Variants in SLC2A5 observed in about 807,000 individuals in gnomAD.
SLC2A5 encodes solute carrier family 2, facilitated glucose transporter member 5.
In SLC2A5, 56 loss-of-function variants were observed where a neutral mutation model predicts 50.3. The observed-to-expected ratio is 1.11, with a 90% CI of 0.90 to 1.39. The LOEUF is 1.39. Ranked by LOEUF, SLC2A5 falls within the 40% of genes most tolerant of loss-of-function variation. The pLI is 0.00. For synonymous variants in SLC2A5, 269 were observed against 281.9 expected, an observed-to-expected ratio of 0.95 and a Z score of 0.46; for missense variants, 566 against 650.1, an observed-to-expected ratio of 0.87 and a Z score of 1.41.
chr1:9,084,378 A>G (rs1642384167), intron 2 of SLC2A5, among the ~76,000 whole-genome samples: 1 of 152,110 alleles, frequency 6.6e-6, no homozygotes, highest in African/African-American at 2.4e-5. Flanking sequence ...TCCTTTCTTG[A>G]GTGTGTACCT....
intron 4 of SLC2A5, among the ~76,000 whole-genome samples, chr1:9,043,704 G>A (rs1036403242): frequency 1.1e-4 from 16 of 150,226 alleles, no homozygotes; most frequent in African/African-American, 3.4e-4. Context: ...GTTCTGATAC[G>A]AGAATCAGAG....
At chr1:9,075,717 A>ATC in intron 2 of SLC2A5, among the ~76,000 whole-genome samples, 1 of 151,872 alleles carries the variant, frequency 6.6e-6, no homozygotes, top group East Asian at 1.9e-4. Context: ...CTGGAGTGCA[A>ATC]TGGCATGATC....
At chr1:9,063,942 G>C in intron 1 of SLC2A5, among the ~76,000 whole-genome samples, 1 of 130,762 alleles carries the variant, frequency 7.6e-6, no homozygotes, top group East Asian at 2.1e-4. Context: ...TGATCCGCCC[G>C]CCTCGGCCTC....
chr1:9,058,769 AAG>A (rs1240791030), intron 1 of SLC2A5, among the ~76,000 whole-genome samples: 2 of 152,244 alleles, frequency 1.3e-5, no homozygotes, highest in Non-Finnish European at 2.9e-5. Flanking sequence ...CAAAGAGAAA[AAG>A]AGAAAATTTT....
At chr1:9,053,760 G>C (rs1488452150) in intron 3 of SLC2A5, among the ~76,000 whole-genome samples, 1 of 149,762 alleles carries the variant, frequency 6.7e-6, no homozygotes, top group East Asian at 2.0e-4. Context: ...TGTAATCTCA[G>C]CTATTTGGGA....
intron 2 of SLC2A5, among the ~76,000 whole-genome samples, chr1:9,083,161 G>A (rs75856734): frequency 0.035 from 5,299 of 152,298 alleles, 317 homozygotes; most frequent in East Asian, 0.24. Context: ...CTACTTTGCT[G>A]GGACATCATT....
intron 2 of SLC2A5, among the ~76,000 whole-genome samples, chr1:9,080,152 T>C (rs904422122): frequency 1.3e-5 from 2 of 152,236 alleles, no homozygotes; most frequent in African/African-American, 4.8e-5. Flanking sequence ...CCTTGCTCTC[T>C]GAGGCTGGAT....
upstream of SLC2A5, among the ~76,000 whole-genome samples, chr1:9,074,443 A>G (rs1316816448): frequency 6.6e-6 from 1 of 152,166 alleles, no homozygotes; most frequent in Admixed American, 6.5e-5. Context: ...GAGAAAAGGT[A>G]CAAGTAGAGG....
At chr1:9,056,041 G>A (rs1287827642) in intron 3 of SLC2A5, among the ~76,000 whole-genome samples, 1 of 152,188 alleles carries the variant, frequency 6.6e-6, no homozygotes, top group Non-Finnish European at 1.5e-5. Context: ...TGGGCCAAGC[G>A]GCGTGCTCTT....
chr1:9,058,988 T>G (rs1182799420), intron 1 of SLC2A5, among the ~76,000 whole-genome samples: 1 of 151,912 alleles, frequency 6.6e-6, no homozygotes. Context: ...ACAATCACAC[T>G]CCCTACCAGA....
chr1:9,050,640 C>T (rs1224939128), intron 3 of SLC2A5, among the ~76,000 whole-genome samples: 1 of 151,938 alleles, frequency 6.6e-6, no homozygotes, highest in Non-Finnish European at 1.5e-5. Flanking sequence ...AAAAAAAAAT[C>T]TAGACAGTCT....
chr1:9,088,132 C>T (rs892816694), intron 1 of SLC2A5, among the ~76,000 whole-genome samples: 1 of 152,122 alleles, frequency 6.6e-6, no homozygotes, highest in African/African-American at 2.4e-5. Context: ...TCCCGACCCT[C>T]CCTATGCCAA....
rs1458823933 is a variant in SLC2A5, at chr1:9,047,651, T to G, written c.377A>C (p.Glu126Ala). ...MGCSRVATSF[E>A]LIIISRLLVG... ...CAAAAGTCTGGAAATAATGATAAGCTCAAATGATGTGGCGACTCTGCTGCA... is the reference window on the plus strand; with the variant it reads ...CAAAAGTCTGGAAATAATGATAAGCGCAAATGATGTGGCGACTCTGCTGCA... The change falls in exon 4 of 12, where the codon GAG becomes GCG. Residue 126 changes from glutamate (E) to alanine (A), a missense_variant. Transcript: ENST00000377424. The G allele has an allele frequency of 6.2e-7, 1 of 1,614,018 alleles. No individual in the cohort carries two copies. The highest frequency in any genetic ancestry group is 1.1e-5 in the South Asian group (1 of 91,072).
intron 2 of SLC2A5, among the ~76,000 whole-genome samples, chr1:9,082,180 A>G (rs755179517): frequency 2.0e-5 from 3 of 152,206 alleles, no homozygotes; most frequent in Admixed American, 6.5e-5. Flanking sequence ...CTACTGAGGA[A>G]AAAACAGTTT....
At chr1:9,070,468 C>T (rs17033225), upstream of SLC2A5, among the ~76,000 whole-genome samples, 5,966 of 152,114 alleles carry the variant, frequency 0.039, 127 homozygotes, top group Middle Eastern at 0.14. Context: ...GTAAATACCT[C>T]GAACCCCTTT....
At chr1:9,079,790 A>G (rs941798765) in intron 2 of SLC2A5, among the ~76,000 whole-genome samples, 4 of 152,336 alleles carry the variant, frequency 2.6e-5, no homozygotes, top group African/African-American at 9.6e-5. Flanking sequence ...CCCAGCCGAT[A>G]TCCCTCTTTT....
intron 2 of SLC2A5, among the ~76,000 whole-genome samples, chr1:9,074,813 C>T (rs192805001): frequency 6.6e-6 from 1 of 152,182 alleles, no homozygotes; most frequent in African/African-American, 2.4e-5. Context: ...CGCTTGAGCC[C>T]AGGAGTTCGA....
chr1:9,047,564 CCTT>C, intron 4 of SLC2A5, 43 bp downstream of exon 4: 1 of 1,599,922 alleles, frequency 6.3e-7, no homozygotes, highest in Non-Finnish European at 8.5e-7. Flanking sequence ...TTGTCCTCCT[CCTT>C]GACGACCCTC....
intron 2 of SLC2A5, chr1:9,084,926 A>G (rs1325674674): frequency 6.6e-6 from 1 of 152,216 alleles, no homozygotes; most frequent in Non-Finnish European, 1.5e-5. Context: ...TAAGTTCGAG[A>G]AGCTCTGCTC....
Sources: gnomAD v4.1 joint callset for allele counts (sites outside exome capture counted in the v4.1 genomes callset) on GRCh38, gnomAD v4.1.1 for gene constraint, MANE v1.5 for transcripts, NCBI Gene and HGNC (gene_info 2026-07-23, HGNC 2026-07-21) for gene names.